The following KIAA1614 variants were observed in gnomAD, a reference collection of about 807,000 sequenced individuals.
The protein encoded by KIAA1614 is KIAA1614, also known as uncharacterized protein KIAA1614.
A neutral mutation model predicts 88.7 loss-of-function variants in KIAA1614; 76 were observed. The observed-to-expected ratio is 0.86, with a 90% confidence interval of 0.71 to 1.04. KIAA1614 has a LOEUF of 1.04. Among genes scored for constraint, KIAA1614 ranks in the 50% least tolerant of loss-of-function variants. The pLI is 0.00. For missense variants in KIAA1614, 1,553 were observed against 1,582.5 expected, an observed-to-expected ratio of 0.98 and a Z score of 0.32; for synonymous variants, 714 against 675.5, an observed-to-expected ratio of 1.06 and a Z score of -0.88.
At chr1:180,921,591 C>A (rs556421053) in intron 3 of KIAA1614, among the ~76,000 whole-genome samples, 5 of 152,190 alleles carry the variant, frequency 3.3e-5, no homozygotes, top group Non-Finnish European at 7.3e-5. Context: ...TGTCCCTGCC[C>A]CCACAGGCCA....
intron 3 of KIAA1614, among the ~76,000 whole-genome samples, chr1:180,927,626 G>A (rs1345212487): frequency 2.0e-5 from 3 of 152,180 alleles, no homozygotes; most frequent in Non-Finnish European, 2.9e-5. Context: ...GTAACCCAGC[G>A]CGGGCTGTAT....
At chr1:180,928,264 A>AGGCCCCC in intron 3 of KIAA1614, 166 bp from the exon 4 acceptor site, 1 of 807,310 alleles carries the variant, frequency 1.2e-6, no homozygotes, top group Non-Finnish European at 1.8e-6. Context: ...CCCAGGCCCC[A>AGGCCCCC]GGCCCCCAGG....
chr1:180,941,007 C>T, intron 6 of KIAA1614, 38 bp from the exon 7 acceptor site: 4 of 130,036 alleles, frequency 3.1e-5, no homozygotes, highest in South Asian at 4.9e-4. Context: ...ACCCTCCCGG[C>T]CCTCCCCCGC....
Position 180,917,131 on chromosome 1 carries a change from G to C in KIAA1614, c.997+31G>C, listed in dbSNP as rs1571282288. On this transcript the variant is annotated intron_variant, in intron 2 of 8. Transcript: ENST00000367588. ...GCTCACTGTGTAGGTCCAGGTGGTGGGGGGAGCAGGAGGGAATCCAGAGGG... is the reference window on the plus strand; with the variant it reads ...GCTCACTGTGTAGGTCCAGGTGGTGCGGGGAGCAGGAGGGAATCCAGAGGG... 1.9e-6 allele frequency: 3 copies of C among 1,571,988 alleles called. No homozygotes were observed. In the East Asian group the frequency reaches 6.8e-5, roughly 36 times the overall value.
intron 5 of KIAA1614, 131 bp from the exon 6 acceptor site, chr1:180,938,424 C>T: frequency 7.0e-6 from 7 of 1,000,904 alleles, no homozygotes; most frequent in Non-Finnish European, 1.0e-5. Context: ...CAGGTCTCTC[C>T]ACTGCTCTCC....
rs60128001 is a variant in KIAA1614, at chr1:180,943,550, C to CT, written c.3160-823dup. On this transcript the variant is annotated intron_variant, in intron 7 of 8. Transcript: ENST00000367588. The stretch of plus-strand genomic sequence containing the variant: ...ATTGTAGGATTGAATGGTAGTAGAT[C>CT]TTTTTTTTTTTTTTTTGAGACAGGG... Among the ~76,000 whole-genome samples, 17 of 98,218 alleles carry CT rather than the reference C, an allele frequency of 1.7e-4. 3 individuals are homozygous for CT. Among genetic ancestry groups the CT allele is most frequent in the African/African-American group, 6.7e-4 (16 of 23,846 alleles). The allele number at this position is 98,218 out of a possible 152,430, so 64.4% of individuals were successfully genotyped here. A position where few individuals can be genotyped will look rare whatever the true frequency, so the allele number is the denominator to read the frequency against.
intron 4 of KIAA1614, among the ~76,000 whole-genome samples, chr1:180,934,489 C>T (rs1285043795): frequency 6.6e-6 from 1 of 151,798 alleles, no homozygotes; most frequent in Non-Finnish European, 1.5e-5. Context: ...ACTTGGGAAG[C>T]TGAGGTGGGA....
At chr1:180,937,250 G>A (rs1054539496) in intron 5 of KIAA1614, among the ~76,000 whole-genome samples, 1 of 152,264 alleles carries the variant, frequency 6.6e-6, no homozygotes, top group Non-Finnish European at 1.5e-5. Context: ...TTGAGCAGGA[G>A]TCCTGCCCTT....
In KIAA1614 at chr1:180,950,589, G is replaced by C. The variant is rs1322949390; in HGVS notation, c.*5001G>C. On this transcript the variant is annotated 3_prime_UTR_variant, in exon 9 of 9. Transcript: ENST00000367588. The stretch of plus-strand genomic sequence containing the variant: ...GCCTCGGAAGCCCTGAAGCACTCAG[G>C]GTGGTTGGCAGGAACGTGCTGCACA... The C allele has an allele frequency of 9.8e-7, 1 of 1,016,756 alleles. No homozygotes were observed. Among genetic ancestry groups the C allele is most frequent in the Non-Finnish European group, 1.2e-6 (1 of 829,384 alleles). The allele number at this position is 1,016,756 out of a possible 1,614,324, so 63.0% of individuals were successfully genotyped here. A position where few individuals can be genotyped will look rare whatever the true frequency, so the allele number is the denominator to read the frequency against.
At chr1:180,915,303 G>T (rs539883073) in intron 1 of KIAA1614, among the ~76,000 whole-genome samples, 1 of 152,208 alleles carries the variant, frequency 6.6e-6, no homozygotes, top group South Asian at 2.1e-4. Flanking sequence ...CCTTCTACTG[G>T]AGGTCAGATC....
rs757603689 is a variant in KIAA1614, at chr1:180,916,845, G to A, written c.742G>A (p.Val248Met). The A allele has an allele frequency of 1.2e-5, 19 of 1,614,100 alleles. No homozygotes were observed. The highest frequency in any genetic ancestry group is 1.6e-4 in the Middle Eastern group (1 of 6,084). Residue 248 changes from valine to methionine, a missense_variant, in exon 2 of 9, where the codon GTG (valine) becomes ATG (methionine). Val to Met is a conservative substitution (Grantham distance 21). Coordinates refer to ENST00000367588, the MANE Select transcript of KIAA1614 (RefSeq NM_020950.2). ...TGRSYPFPDG[V>M]VTEADLDSTS... Reference sequence around the variant, plus strand: ...AAGGTCCTACCCTTTTCCAGATGGCGTGGTGACAGAGGCAGATCTGGATAG... The same window carrying A: ...AAGGTCCTACCCTTTTCCAGATGGCATGGTGACAGAGGCAGATCTGGATAG...
chr1:180,922,874 C>T (rs559343851), intron 3 of KIAA1614, among the ~76,000 whole-genome samples: 1 of 152,174 alleles, frequency 6.6e-6, no homozygotes, highest in Non-Finnish European at 1.5e-5. Context: ...CACAAGACTG[C>T]GCCCACTTCA....
At chr1:180,944,733 G>A (rs891022943) in intron 8 of KIAA1614, 12 of 461,432 alleles carry the variant, frequency 2.6e-5, no homozygotes, top group Non-Finnish European at 4.2e-5. Flanking sequence ...GAGAAGGCCT[G>A]GGGTCGCTGG....
At chr1:180,925,509 C>T (rs985249824) in intron 3 of KIAA1614, among the ~76,000 whole-genome samples, 1 of 152,242 alleles carries the variant, frequency 6.6e-6, no homozygotes, top group Non-Finnish European at 1.5e-5. Context: ...AACACAGACT[C>T]GCTGAGCTTA....
At position 180,935,358 on chromosome 1, in the gene KIAA1614, G is replaced by A; in HGVS notation, c.1449G>A (p.Ala483=). The change falls in exon 5 of 9, where the codon GCG becomes GCA. Residue 483 remains alanine, a synonymous_variant. Transcript: ENST00000367588. This position sits in a 1 kb window ranked among gnomAD's most constrained non-coding sequence, Gnocchi z 6.1. ...TGCTGAGCACCGTGTTGCAGGCCGC[G>A]GACCAGGGCCCCCTGCGCTCCAAGC... ...RQVLSTVLQA[A]DQGPLRSKPD... 6.8e-7 allele frequency: 1 copy of A among 1,466,366 alleles called. No homozygotes were observed. Among genetic ancestry groups the A allele is most frequent in the South Asian group, 1.4e-5 (1 of 69,590 alleles). The allele number at this position is 1,466,366 out of a possible 1,614,324, so 90.8% of individuals were successfully genotyped here. A position where few individuals can be genotyped will look rare whatever the true frequency, so the allele number is the denominator to read the frequency against.
At chr1:180,939,762 C>T (rs1392336662) in intron 6 of KIAA1614, among the ~76,000 whole-genome samples, 1 of 152,214 alleles carries the variant, frequency 6.6e-6, no homozygotes, top group Admixed American at 6.5e-5. Flanking sequence ...GTAGACTTCA[C>T]ACCCCGGCTG....
At chr1:180,943,550 C>CTTTGTTTTTTT (rs1654517986) in intron 7 of KIAA1614, among the ~76,000 whole-genome samples, 1 of 98,186 alleles carries the variant, frequency 1.0e-5, no homozygotes, top group South Asian at 4.1e-4. Flanking sequence ...GGTAGTAGAT[C>CTTTGTTTTTTT]TTTTTTTTTT....
At chr1:180,938,217 G>A (rs958865701) in intron 5 of KIAA1614, among the ~76,000 whole-genome samples, 5 of 152,206 alleles carry the variant, frequency 3.3e-5, no homozygotes, top group Non-Finnish European at 7.3e-5. Context: ...AAGGGACATG[G>A]CTTATCATAG....
Position 180,945,848 on chromosome 1 carries a change from T to C in KIAA1614, c.*260T>C. On this transcript the variant is annotated 3_prime_UTR_variant, in exon 9 of 9. Transcript: ENST00000367588. The stretch of plus-strand genomic sequence containing the variant: ...GGCCGGGCGCAGTGGCTCATGCCTG[T>C]AATCCCAGAACTTTGGGAGGCCGAG... 1 of 1,234,204 alleles carries C rather than the reference T, an allele frequency of 8.1e-7. No individual in the cohort carries two copies. The highest frequency in any genetic ancestry group is 1.6e-5 in the African/African-American group (1 of 63,322). The allele number at this position is 1,234,204 out of a possible 1,614,324, so 76.5% of individuals were successfully genotyped here. A position where few individuals can be genotyped will look rare whatever the true frequency, so the allele number is the denominator to read the frequency against.
Sources: gnomAD v4.1 joint callset for allele counts (sites outside exome capture counted in the v4.1 genomes callset) on GRCh38, gnomAD v4.1.1 for gene constraint, Gnocchi (gnomAD v3.1) non-coding constraint, MANE v1.5 for transcripts, NCBI Gene and HGNC (gene_info 2026-07-23, HGNC 2026-07-21) for gene names.